The following TIAM1 variants were observed in gnomAD, a reference collection of about 807,000 sequenced individuals.
TIAM1 encodes TIAM Rac1 associated GEF 1, also known as rho guanine nucleotide exchange factor TIAM1.
A neutral mutation model predicts 163.5 loss-of-function variants in TIAM1; 65 were observed. The observed-to-expected ratio is 0.40, with a 90% CI of 0.33 to 0.49. The LOEUF is 0.49. TIAM1 is among the 20% of genes least tolerant of loss of function. The pLI, the probability that TIAM1 is intolerant of heterozygous loss-of-function variation, is 0.77. For missense variants in TIAM1, 1,789 were observed against 2,044.7 expected, an observed-to-expected ratio of 0.87 and a Z score of 2.41; for synonymous variants, 833 against 810.1, an observed-to-expected ratio of 1.03 and a Z score of -0.48.
At chr21:31,393,060 A>G (rs750616044) in intron 2 of TIAM1, among the ~76,000 whole-genome samples, 12 of 151,732 alleles carry the variant, frequency 7.9e-5, no homozygotes, top group Non-Finnish European at 1.5e-4. Context: ...GGCGCAAGCA[A>G]TTCTCATGCC....
intron 3 of TIAM1, among the ~76,000 whole-genome samples, chr21:31,269,884 G>A (rs1369048400): frequency 6.6e-6 from 1 of 152,070 alleles, no homozygotes; most frequent in Non-Finnish European, 1.5e-5. Flanking sequence ...TGTTAGCCAG[G>A]ATGGTCTCAA....
chr21:31,535,769 T>G (rs1569418956), intron 1 of TIAM1, among the ~76,000 whole-genome samples: 2 of 152,110 alleles, frequency 1.3e-5, no homozygotes, highest in Non-Finnish European at 2.9e-5. Context: ...TTTTGGCTGA[T>G]GTGTGAGTTT....
At position 31,252,129 on chromosome 21, in the gene TIAM1, C is replaced by T. The variant is rs1362921849; in HGVS notation, c.1024G>A (p.Asp342Asn). The T allele has an allele frequency of 1.9e-6, 3 of 1,612,450 alleles. No homozygotes were observed. The highest frequency in any genetic ancestry group is 1.7e-5 in the Admixed American group (1 of 60,028). Reference sequence around the variant, plus strand: ...GATCGCCTGGACAGGAGGTCCGTGTCGGTAGTGGCCCCTTCAATCCCACTG... The same window carrying T: ...GATCGCCTGGACAGGAGGTCCGTGTTGGTAGTGGCCCCTTCAATCCCACTG... ...ADSGIEGATT[D>N]TDLLSRRSNA... is the part of the protein sequence containing the mutation. The change falls in exon 5 of 28, where the codon GAC (aspartate) becomes AAC (asparagine). Residue 342 changes from aspartate (D) to asparagine (N), a missense_variant. Around this residue, in one of 5 missense-constraint regions of TIAM1, gnomAD observed 555 missense variants for 564.9 expected, o/e 0.98. Coordinates refer to ENST00000541036, the MANE Select transcript of TIAM1 (RefSeq NM_001353694.2).
intron 2 of TIAM1, among the ~76,000 whole-genome samples, chr21:31,298,717 A>G (rs1033502660): frequency 1.4e-5 from 2 of 145,674 alleles, no homozygotes; most frequent in Non-Finnish European, 3.0e-5. Context: ...AGCATGGATC[A>G]GATCAGATCC....
At chr21:31,371,397 T>C (rs8134444) in intron 2 of TIAM1, among the ~76,000 whole-genome samples, 2,692 of 152,088 alleles carry the variant, frequency 0.018, 65 homozygotes, top group African/African-American at 0.059. Context: ...CCAAGGGAGG[T>C]TGAGTAATTC....
intron 15 of TIAM1, among the ~76,000 whole-genome samples, chr21:31,181,957 T>C (rs1324181599): frequency 6.6e-6 from 1 of 150,454 alleles, no homozygotes; most frequent in Non-Finnish European, 1.5e-5. Context: ...GCTCATTTTT[T>C]TTTTTTTGGA....
intron 19 of TIAM1, among the ~76,000 whole-genome samples, chr21:31,149,439 G>T (rs1242129454): frequency 3.3e-5 from 5 of 152,120 alleles, no homozygotes; most frequent in African/African-American, 4.8e-5. Flanking sequence ...CAGATTTTCA[G>T]ATTTGAGATG....
At chr21:31,238,015 ACT>A (rs1312677344) in intron 6 of TIAM1, among the ~76,000 whole-genome samples, 1 of 151,688 alleles carries the variant, frequency 6.6e-6, no homozygotes, top group Non-Finnish European at 1.5e-5. Context: ...GCTCATTCCC[ACT>A]CTCCCCTGGC....
chr21:31,229,479 G>A (rs1359120518), intron 6 of TIAM1, among the ~76,000 whole-genome samples: 1 of 151,920 alleles, frequency 6.6e-6, no homozygotes, highest in East Asian at 1.9e-4. Context: ...AAACTACAAA[G>A]GAAGTTCCAA....
intron 2 of TIAM1, among the ~76,000 whole-genome samples, chr21:31,314,157 A>G (rs1315673273): frequency 6.6e-6 from 1 of 152,254 alleles, no homozygotes; most frequent in Non-Finnish European, 1.5e-5. Flanking sequence ...TTTCTCACTT[A>G]CAAATGAGAA....
At chr21:31,311,767 G>C (rs1041878061) in intron 2 of TIAM1, among the ~76,000 whole-genome samples, 26 of 152,298 alleles carry the variant, frequency 1.7e-4, no homozygotes, top group Non-Finnish European at 5.9e-5. Context: ...ATTGGATTGA[G>C]GGATGCAAAA....
At chr21:31,325,148 G>C (rs574288986) in intron 2 of TIAM1, among the ~76,000 whole-genome samples, 1 of 151,434 alleles carries the variant, frequency 6.6e-6, no homozygotes, top group Non-Finnish European at 1.5e-5. Context: ...GCCAGGAATG[G>C]TGGTGTGCAG....
At chr21:31,162,404 A>C (rs1478272140) in intron 16 of TIAM1, among the ~76,000 whole-genome samples, 1 of 152,154 alleles carries the variant, frequency 6.6e-6, no homozygotes, top group African/African-American at 2.4e-5. Flanking sequence ...AAATACCCTA[A>C]GTGAGAAATT....
intron 2 of TIAM1, among the ~76,000 whole-genome samples, chr21:31,397,858 G>A (rs2077099214): frequency 6.6e-6 from 1 of 152,206 alleles, no homozygotes. Flanking sequence ...GAGGCAACAG[G>A]TCTCACACTA....
intron 2 of TIAM1, among the ~76,000 whole-genome samples, chr21:31,423,639 C>T (rs983114097): frequency 7.9e-6 from 1 of 127,262 alleles, no homozygotes; most frequent in African/African-American, 3.0e-5. Context: ...AGCCCTATAA[C>T]GAACTCATGG....
At chr21:31,200,429 T>C (rs933382323) in intron 12 of TIAM1, among the ~76,000 whole-genome samples, 5 of 152,166 alleles carry the variant, frequency 3.3e-5, no homozygotes, top group Admixed American at 1.3e-4. Flanking sequence ...GCAACAAACA[T>C]AGTAATAGTA....
intron 3 of TIAM1, among the ~76,000 whole-genome samples, chr21:31,275,053 C>G (rs546279521): frequency 6.6e-6 from 1 of 150,502 alleles, no homozygotes; most frequent in Admixed American, 6.7e-5. Context: ...ACCCTGGAGG[C>G]GGAGACTGCA....
chr21:31,304,214 G>A lies in TIAM1; in HGVS notation c.-188-27306C>T, dbSNP rs117801641. Among the ~76,000 whole-genome samples, 42 of 152,174 alleles carry A rather than the reference G, an allele frequency of 2.8e-4. 1 individual carries two copies. In the East Asian group the frequency reaches 6.4e-3, roughly 23 times the overall value. On this transcript the variant is annotated intron_variant, in intron 2 of 27. Coordinates refer to ENST00000541036, the MANE Select transcript of TIAM1 (RefSeq NM_001353694.2). Reference sequence around the variant, plus strand: ...ATTTCCTCAGAAACTCCAGGCCAACGTAAAGGTTTCCTATCTAAGTTAGTA... The same window carrying A: ...ATTTCCTCAGAAACTCCAGGCCAACATAAAGGTTTCCTATCTAAGTTAGTA...
At chr21:31,190,871 A>G (rs2146477057) in intron 13 of TIAM1, among the ~76,000 whole-genome samples, 1 of 152,352 alleles carries the variant, frequency 6.6e-6, no homozygotes, top group Non-Finnish European at 1.5e-5. Context: ...AGAAAGCAGC[A>G]TATGATCTGT....
Sources: gnomAD v4.1 joint callset for allele counts (sites outside exome capture counted in the v4.1 genomes callset) on GRCh38, gnomAD v4.1.1 for gene constraint, gnomAD v4.1.1 regional missense constraint, MANE v1.5 for transcripts, NCBI Gene and HGNC (gene_info 2026-07-23, HGNC 2026-07-21) for gene names.